The following SPTAN1 variants were observed in gnomAD, a reference collection of about 807,000 sequenced individuals.
SPTAN1 encodes spectrin alpha chain, non-erythrocytic 1.
A neutral mutation model predicts 331.3 loss-of-function variants in SPTAN1; 61 were observed. The observed-to-expected ratio is 0.18, with a 90% CI of 0.15 to 0.23. The LOEUF (loss-of-function observed/expected upper bound fraction) is 0.23. Among genes scored for constraint, SPTAN1 ranks in the 10% least tolerant of loss-of-function variants. The pLI is 1.00. For synonymous variants in SPTAN1, 1,153 were observed against 1,173.9 expected (o/e 0.98, Z 0.36); for missense variants, 2,043 against 3,147.9 (o/e 0.65, Z 8.40).
intron 1 of SPTAN1, chr9:128,555,312 GAAGCTTGT>G: frequency 7.9e-7 from 1 of 1,267,630 alleles, no homozygotes; most frequent in Non-Finnish European, 1.0e-6. Context: ...TTTGCCCTTA[GAAGCTTGT>G]TATCTTGCTC....
At chr9:128,561,080 A>G (rs1416524167) in intron 1 of SPTAN1, among the ~76,000 whole-genome samples, 2 of 149,840 alleles carry the variant, frequency 1.3e-5, no homozygotes, top group African/African-American at 4.9e-5. Context: ...ATCAATAAAT[A>G]ATATGTCGGC....
rs1004527589 is a variant in SPTAN1 at position 128,585,926 on chromosome 9, G to C, written c.2739G>C (p.Val913=). ...ESWMREKEPI[V]GSTDYGKDED... ...GGATGCGGGAGAAGGAACCCATTGT[G>C]GGCAGCACTGACTATGGCAAGGACG... The change falls in exon 19 of 57, where the codon GTG becomes GTC. Residue 913 remains valine, a synonymous_variant. Transcript: ENST00000372739. 1 of 1,613,198 alleles carries C rather than the reference G, an allele frequency of 6.2e-7. No homozygotes were observed. The highest frequency in any genetic ancestry group is 8.5e-7 in the Non-Finnish European group (1 of 1,180,030).
chr9:128,553,462 T>TC (rs1430465759), intron 1 of SPTAN1: 2 of 152,172 alleles, frequency 1.3e-5, no homozygotes, highest in South Asian at 2.1e-4. Flanking sequence ...GTCTTTCGAG[T>TC]CGAGATACAG....
At chr9:128,573,842 C>G (rs1373780249) in intron 3 of SPTAN1, among the ~76,000 whole-genome samples, 1 of 151,994 alleles carries the variant, frequency 6.6e-6, no homozygotes, top group Non-Finnish European at 1.5e-5. Flanking sequence ...CAAGCTCCAA[C>G]TCCCTGGGGT....
chr9:128,595,211 G>A (rs1218482566), intron 24 of SPTAN1, among the ~76,000 whole-genome samples: 1 of 152,074 alleles, frequency 6.6e-6, no homozygotes, highest in Non-Finnish European at 1.5e-5. Flanking sequence ...CCAGGCTCAA[G>A]TGATTCTCAT....
Position 128,603,600 on chromosome 9 carries a change from A to G in SPTAN1, c.3627+10A>G, listed in dbSNP as rs1462313758. 2 of 1,614,086 alleles carry G rather than the reference A, an allele frequency of 1.2e-6. No individual in the cohort carries two copies. Among genetic ancestry groups the G allele is most frequent in the Admixed American group, 3.3e-5 (2 of 59,996 alleles). On this transcript the variant is annotated intron_variant, in intron 28 of 56. Coordinates refer to ENST00000372739, the MANE Select transcript of SPTAN1 (RefSeq NM_001130438.3). ...CTTTAATTCCATCAAGGTAAGAAGC[A>G]GTGACCAGCTCCTCTGATCTCCCCT...
At position 128,583,232 on chromosome 9, in the gene SPTAN1, T is replaced by C. The variant is rs748193081; in HGVS notation, c.1962T>C (p.Asn654=). Residue 654 remains asparagine, a synonymous_variant, in exon 15 of 57, where the codon AAT becomes AAC. Transcript: ENST00000372739. ...AGGATGAAGTGGCAGCTCGTATGAA[T>C]GAGGTGATCAGTTTGTGGAAGAAAC... The part of the protein sequence containing the change: ...YAKDEVAARM[N]EVISLWKKLL... The C allele has an allele frequency of 1.5e-5, 24 of 1,613,858 alleles. No homozygotes were observed. Among genetic ancestry groups the C allele is most frequent in the Non-Finnish European group, 2.0e-5 (24 of 1,180,020 alleles).
chr9:128,621,900 G>C lies in SPTAN1; in HGVS notation c.5832+644G>C, dbSNP rs75528824. On this transcript the variant is annotated intron_variant, in intron 45 of 56. Transcript: ENST00000372739. ...ACTGAAGGCAGTGTGTCCGTGGGTC[G>C]GGAATTCACCAGCAATCACTCAGGT... 8.6e-3 allele frequency: 1,373 copies of C among 159,632 alleles called. 13 individuals are homozygous for C. The highest frequency in any genetic ancestry group is 0.011 in the Non-Finnish European group (804 of 71,780). 9.9% of individuals were successfully genotyped at this position (159,632 alleles called of 1,614,324 possible).
chr9:128,621,370 G>A (rs1857829408), intron 45 of SPTAN1, 114 bp downstream of exon 45: 7 of 829,326 alleles, frequency 8.4e-6, no homozygotes, highest in South Asian at 1.4e-5. Context: ...CAAGGTCTGC[G>A]TGGAGACCAG....
intron 1 of SPTAN1, among the ~76,000 whole-genome samples, chr9:128,555,741 A>G (rs896493429): frequency 6.7e-6 from 1 of 149,346 alleles, no homozygotes; most frequent in Non-Finnish European, 1.5e-5. Context: ...ATTGGTGGCT[A>G]CTTGGTTTTT....
chr9:128,607,030 C>T (rs1347027782), intron 31 of SPTAN1, among the ~76,000 whole-genome samples: 1 of 152,120 alleles, frequency 6.6e-6, no homozygotes, highest in Non-Finnish European at 1.5e-5. Context: ...CTGGACATGT[C>T]ATATAAAAGG....
chr9:128,608,815 A>G, intron 34 of SPTAN1, 59 bp from the exon 35 acceptor site: 1 of 1,520,578 alleles, frequency 6.6e-7, no homozygotes. Context: ...CAAGACTGGC[A>G]GTCCAGGCAG....
intron 42 of SPTAN1, 73 bp downstream of exon 42, chr9:128,617,833 C>T (rs1023616158): frequency 9.9e-6 from 16 of 1,611,398 alleles, no homozygotes; most frequent in African/African-American, 5.3e-5. Flanking sequence ...AAACCCCTTG[C>T]GCTTATTTCA....
chr9:128,586,164 G>C (rs1027035485), intron 19 of SPTAN1, among the ~76,000 whole-genome samples, 199 bp downstream of exon 19: 1 of 130,392 alleles, frequency 7.7e-6, no homozygotes, highest in Non-Finnish European at 1.6e-5. Context: ...TCTTGCCCAG[G>C]CTGGACTGCA....
intron 37 of SPTAN1, 63 bp downstream of exon 37, chr9:128,609,728 G>T: frequency 2.7e-6 from 3 of 1,094,992 alleles, no homozygotes; most frequent in South Asian, 1.7e-5. Flanking sequence ...GTTACTCTGC[G>T]TAGATTATTG....
At position 128,614,705 on chromosome 9, in the gene SPTAN1, G is replaced by A. The variant is rs1450526442; in HGVS notation, c.5149-927G>A. 3.3e-5 allele frequency among the ~76,000 whole-genome samples: 5 copies of A among 152,164 alleles called. No homozygotes were observed. The South Asian group carries it at 1.0e-3, about 31-fold the overall frequency. Reference sequence around the variant, plus strand: ...AGGTTCACTTGAGTCCAGGCAGGAGGTTGAGGCTGCAGTGTGTGTGTCATG... The same window carrying A: ...AGGTTCACTTGAGTCCAGGCAGGAGATTGAGGCTGCAGTGTGTGTGTCATG... On this transcript the variant is annotated intron_variant, in intron 40 of 56. Transcript: ENST00000372739.
intron 40 of SPTAN1, among the ~76,000 whole-genome samples, chr9:128,614,600 C>CAA (rs552202114): frequency 1.5e-5 from 2 of 136,002 alleles, no homozygotes; most frequent in East Asian, 2.0e-4. Context: ...AAAAAAAAAA[C>CAA]AAAAAAAAAA....
chr9:128,593,823 C>T (rs1853858535), intron 23 of SPTAN1: 1 of 333,860 alleles, frequency 3.0e-6, no homozygotes, highest in Non-Finnish European at 5.8e-6. Context: ...CCAGCAAGTT[C>T]ATCTCGTCTC....
chr9:128,598,782 T>C (rs1854655180), intron 25 of SPTAN1, 181 bp from the exon 26 acceptor site: 3 of 666,634 alleles, frequency 4.5e-6, no homozygotes, highest in South Asian at 3.7e-5. Flanking sequence ...GGTAATTTCA[T>C]AAGTTCCTCA....
Sources: allele counts gnomAD v4.1 joint callset (sites outside exome capture counted in the v4.1 genomes callset), GRCh38; gene constraint gnomAD v4.1.1; transcripts MANE v1.5; gene names NCBI Gene and HGNC (gene_info 2026-07-23, HGNC 2026-07-21).